CSMD1: variants seen among roughly 807,000 people sequenced by gnomAD.
The protein encoded by CSMD1 is CUB and Sushi multiple domains 1, also known as CUB and sushi domain-containing protein 1.
Under a neutral mutation model 417.5 loss-of-function variants are expected in CSMD1, and 213 were observed. The ratio of observed to expected loss-of-function variants is 0.51; its 90% CI spans 0.46 to 0.57. The LOEUF (loss-of-function observed/expected upper bound fraction) is 0.57, where lower values mean the gene tolerates loss of function less well. Among genes scored for constraint, CSMD1 ranks in the 20% least tolerant of loss-of-function variants. CSMD1 has a pLI of 0.00. For missense variants in CSMD1, 6,923 were observed against 4,529.7 expected, an observed-to-expected ratio of 1.53 and a Z score of -15.17; for synonymous variants, 2,862 against 1,736.8, an observed-to-expected ratio of 1.65 and a Z score of -16.11.
In CSMD1 at chr8:3,886,252, T is replaced by C. The variant is rs567507618; in HGVS notation, c.818+111651A>G. On this transcript the variant is annotated intron_variant, in intron 5 of 69. Transcript: ENST00000635120. ...TTAGTAGAGATGGGGTTTCACCATG[T>C]TGGCCTGGCTGGTCTCAAACTCCTG... Among the ~76,000 whole-genome samples the C allele has an allele frequency of 1.0e-3, 159 of 152,242 alleles. 2 individuals are homozygous for C. The highest frequency in any genetic ancestry group is 1.1e-3 in the African/African-American group (46 of 41,556).
intron 1 of CSMD1, among the ~76,000 whole-genome samples, chr8:4,795,877 T>C (rs1176460811): frequency 6.6e-6 from 1 of 152,192 alleles, no homozygotes; most frequent in Admixed American, 6.5e-5. Context: ...CATGAGGTGT[T>C]GTTCTCATGT....
At chr8:3,506,868 G>T (rs1204882345) in intron 10 of CSMD1, among the ~76,000 whole-genome samples, 3 of 152,152 alleles carry the variant, frequency 2.0e-5, no homozygotes, top group African/African-American at 7.2e-5. Context: ...ATATAAAAGT[G>T]TAATGACACT....
chr8:3,011,837 C>G lies in CSMD1; in HGVS notation c.8029+6640G>C, dbSNP rs377584298. ...CTAGACCACAAACTATAACCTCTTC[C>G]TAGTTTGTGTGTTCTCTGTTGGTTT... On this transcript the variant is annotated intron_variant, in intron 52 of 69. Transcript: ENST00000635120. Among the ~76,000 whole-genome samples the G allele has an allele frequency of 1.7e-3, 260 of 152,284 alleles. 1 individual carries two copies. The highest frequency in any genetic ancestry group is 6.8e-3 in the South Asian group (33 of 4,832).
At chr8:4,276,585 G>C (rs1367534556) in intron 3 of CSMD1, among the ~76,000 whole-genome samples, 1 of 152,062 alleles carries the variant, frequency 6.6e-6, no homozygotes, top group African/African-American at 2.4e-5. Context: ...AGAACTTTAA[G>C]TATAATAAAA....
intron 3 of CSMD1, among the ~76,000 whole-genome samples, chr8:4,320,551 C>T (rs1034054753): frequency 9.9e-5 from 15 of 151,996 alleles, no homozygotes; most frequent in Non-Finnish European, 1.8e-4. Context: ...ATGTTCCCCT[C>T]CCTGTGTCCA....
At chr8:4,182,547 T>G (rs1441284086) in intron 3 of CSMD1, among the ~76,000 whole-genome samples, 1 of 152,154 alleles carries the variant, frequency 6.6e-6, no homozygotes, top group East Asian at 1.9e-4. Flanking sequence ...ATTTGTTCCT[T>G]TCAAACATAA....
intron 12 of CSMD1, among the ~76,000 whole-genome samples, chr8:3,435,555 C>T (rs1381793048): frequency 6.6e-6 from 1 of 152,168 alleles, no homozygotes; most frequent in Non-Finnish European, 1.5e-5. Flanking sequence ...TGCATGGAGA[C>T]TTCGAATCAG....
intron 5 of CSMD1, among the ~76,000 whole-genome samples, chr8:3,911,681 C>T (rs1808477970): frequency 6.6e-6 from 1 of 152,120 alleles, no homozygotes; most frequent in Admixed American, 6.6e-5. Flanking sequence ...CTTGTCGGAG[C>T]TGCCATAAGC....
chr8:3,543,476 T>C (rs1275747535), intron 10 of CSMD1, among the ~76,000 whole-genome samples: 1 of 151,988 alleles, frequency 6.6e-6, no homozygotes, highest in African/African-American at 2.4e-5. Flanking sequence ...AGGCAAGCAG[T>C]GATGATTGCC....
chr8:4,074,239 A>G (rs1393922514), intron 3 of CSMD1, among the ~76,000 whole-genome samples: 1 of 152,108 alleles, frequency 6.6e-6, no homozygotes, highest in East Asian at 1.9e-4. Context: ...GTAACCCCAG[A>G]GAAAGCAAAA....
chr8:3,538,342 G>A (rs1039203157), intron 10 of CSMD1, among the ~76,000 whole-genome samples: 1 of 152,110 alleles, frequency 6.6e-6, no homozygotes, highest in Non-Finnish European at 1.5e-5. Flanking sequence ...TTATGCAACT[G>A]ACATGCTTCA....
Position 3,097,056 on chromosome 8 carries a change from G to A in CSMD1, c.6950-19C>T. 3 of 1,493,658 alleles carry A rather than the reference G, an allele frequency of 2.0e-6. No homozygotes were observed. The allele number at this position is 1,493,658 out of a possible 1,614,324, so 92.5% of individuals were successfully genotyped here. A position where few individuals can be genotyped will look rare whatever the true frequency, so the allele number is the denominator to read the frequency against. On this transcript the variant is annotated intron_variant, in intron 46 of 69. Coordinates refer to ENST00000635120, the MANE Select transcript of CSMD1 (RefSeq NM_033225.6). ...CATTGTGCTGGAGAGAAAAGTACCA[G>A]CAAAAGTTTGCTTTAATAAAATGAT...
intron 1 of CSMD1, among the ~76,000 whole-genome samples, chr8:4,985,786 T>C (rs535360797): frequency 2.0e-5 from 3 of 152,072 alleles, no homozygotes; most frequent in Non-Finnish European, 2.9e-5. Context: ...TGCAACCTCA[T>C]GAATATAGCT....
chr8:4,465,835 C>G (rs1445732208), intron 2 of CSMD1, among the ~76,000 whole-genome samples: 1 of 152,174 alleles, frequency 6.6e-6, no homozygotes, highest in East Asian at 1.9e-4. Flanking sequence ...TGAAGTATCT[C>G]AAGCCACACA....
At chr8:3,928,436 A>G (rs1809903039) in intron 5 of CSMD1, among the ~76,000 whole-genome samples, 1 of 152,228 alleles carries the variant, frequency 6.6e-6, no homozygotes, top group African/African-American at 2.4e-5. Context: ...CTTTTCAAAA[A>G]CCAGTAACTG....
rs61069547 is a variant in CSMD1, at chr8:3,454,000, A to G, written c.1561+14712T>C. Among the ~76,000 whole-genome samples the G allele has an allele frequency of 6.6e-3, 999 of 152,220 alleles. 16 individuals carry two copies. Among genetic ancestry groups the G allele is most frequent in the African/African-American group, 0.022 (914 of 41,514 alleles). ...GCTTTATGAATCTGGGTGCTCCTGT[A>G]TTGGGTGCATATATATTTAGGATAG... is the stretch of plus-strand genomic sequence containing the variant. On this transcript the variant is annotated intron_variant, in intron 12 of 69. Coordinates refer to ENST00000635120, the MANE Select transcript of CSMD1 (RefSeq NM_033225.6).
intron 3 of CSMD1, among the ~76,000 whole-genome samples, chr8:4,056,323 T>C (rs951121664): frequency 6.6e-6 from 1 of 151,730 alleles, no homozygotes; most frequent in South Asian, 2.1e-4. Context: ...CCTTAGGTGA[T>C]CCACCCGCGT....
chr8:3,504,289 T>C (rs532031809), intron 10 of CSMD1, among the ~76,000 whole-genome samples: 1 of 152,322 alleles, frequency 6.6e-6, no homozygotes, highest in African/African-American at 2.4e-5. Flanking sequence ...ACAATCACAC[T>C]GACAAAAGAG....
At chr8:3,019,191 T>G (rs1296177385) in intron 51 of CSMD1, among the ~76,000 whole-genome samples, 1 of 152,242 alleles carries the variant, frequency 6.6e-6, no homozygotes, top group Non-Finnish European at 1.5e-5. Context: ...TTGCTGGGAT[T>G]ACAGGCGTGA....
Sources: gnomAD v4.1 joint callset for allele counts (sites outside exome capture counted in the v4.1 genomes callset) on GRCh38, gnomAD v4.1.1 for gene constraint, MANE v1.5 for transcripts, NCBI Gene and HGNC (gene_info 2026-07-23, HGNC 2026-07-21) for gene names.